NIPA1: variants seen among roughly 807,000 people sequenced by gnomAD.
NIPA1 encodes magnesium transporter NIPA1.
NIPA1 carries 13 observed loss-of-function variants against 23.9 expected under a neutral mutation model. The ratio of observed to expected loss-of-function variants is 0.54; its 90% CI spans 0.35 to 0.87. The LOEUF (loss-of-function observed/expected upper bound fraction) is 0.87, where lower values mean the gene tolerates loss of function less well. NIPA1 is among the 40% of genes least tolerant of loss of function. The pLI, the probability that NIPA1 is intolerant of heterozygous loss-of-function variation, is 0.01. For missense variants in NIPA1, 362 were observed against 429.7 expected, an observed-to-expected ratio of 0.84 and a Z score of 1.39; for synonymous variants, 234 against 202.9, an observed-to-expected ratio of 1.15 and a Z score of -1.30.
At chr15:22,802,843 T>G (rs1001187546) in intron 1 of NIPA1, among the ~76,000 whole-genome samples, 5 of 152,210 alleles carry the variant, frequency 3.3e-5, no homozygotes, top group Non-Finnish European at 5.9e-5. Flanking sequence ...GGACATAGTT[T>G]GAAGATTCAT....
intron 1 of NIPA1, among the ~76,000 whole-genome samples, chr15:22,787,884 A>G (rs951141075): frequency 6.6e-6 from 1 of 152,204 alleles, no homozygotes; most frequent in African/African-American, 2.4e-5. Context: ...GACAGTCTCG[A>G]ATGAAAATAT....
intron 4 of NIPA1, 78 bp from the exon 5 acceptor site, chr15:22,823,650 G>A: frequency 6.8e-7 from 1 of 1,476,954 alleles, no homozygotes. Flanking sequence ...TGGGGGCCCG[G>A]GTGCTGCCCC....
Position 22,812,248 on chromosome 15 carries a change from G to C in NIPA1, c.312G>C (p.Pro104=), listed in dbSNP as rs139372534. The change falls in exon 3 of 5, where the codon CCG becomes CCC. Residue 104 remains proline (P), a synonymous_variant. Transcript: ENST00000337435. ...CCCCCCTGGGCGCCCTTGGAGTACC[G>C]TTCGGGTGAGAGCCAAGATTGTGTT... ...LVTPLGALGV[P]FGSILASYLL... is the part of the protein sequence containing the mutation. 3.1e-6 allele frequency: 5 copies of C among 1,607,666 alleles called. No individual in the cohort carries two copies. Among genetic ancestry groups the C allele is most frequent in the Non-Finnish European group, 8.5e-7 (1 of 1,174,282 alleles).
chr15:22,794,764 C>T (rs992613783), intron 1 of NIPA1, among the ~76,000 whole-genome samples: 1 of 152,106 alleles, frequency 6.6e-6, no homozygotes, highest in South Asian at 2.1e-4. Flanking sequence ...GGCACGCTCC[C>T]GTCCCTAGGT....
chr15:22,806,777 C>T (rs767940849), intron 1 of NIPA1, among the ~76,000 whole-genome samples: 1 of 152,114 alleles, frequency 6.6e-6, no homozygotes, highest in Non-Finnish European at 1.5e-5. Flanking sequence ...GGAATGCAGA[C>T]TCCTAGGAGC....
chr15:22,787,271 G>C (rs1286499925), intron 1 of NIPA1, among the ~76,000 whole-genome samples: 2 of 152,142 alleles, frequency 1.3e-5, no homozygotes, highest in African/African-American at 4.8e-5. Context: ...CGCCCGCCTG[G>C]AAGCGCCGCT....
rs551866259 is a variant in NIPA1 at position 22,799,599 on chromosome 15, G to A, written c.179-11150G>A. On this transcript the variant is annotated intron_variant, in intron 1 of 4. Coordinates refer to ENST00000337435, the MANE Select transcript of NIPA1 (RefSeq NM_144599.5). ...AGATCGAGACCATCCTGGCTAACAC[G>A]GTGAAACCCCATCTCTACTAAAAAT... is the stretch of plus-strand genomic sequence containing the variant. Among the ~76,000 whole-genome samples, 29 of 152,068 alleles carry A rather than the reference G, an allele frequency of 1.9e-4. 1 individual carries two copies. The South Asian group carries it at 2.9e-3, about 15-fold the overall frequency.
intron 1 of NIPA1, among the ~76,000 whole-genome samples, chr15:22,787,185 C>T: frequency 6.6e-6 from 1 of 152,198 alleles, no homozygotes; most frequent in Non-Finnish European, 1.5e-5. Context: ...CCGCGCCGCC[C>T]GGCAGCCCTC....
rs1475151952 is a variant in NIPA1 at position 22,825,600 on chromosome 15, A to G, written c.*1361A>G. On this transcript the variant is annotated 3_prime_UTR_variant, in exon 5 of 5. Transcript: ENST00000337435. ...AATTAGGTAACTTGATAATAAGGCT[A>G]AGTGGGAGAGTACCTGTTCAATAGC... 6.6e-6 allele frequency: 1 copy of G among 152,212 alleles called. No homozygotes were observed. Among genetic ancestry groups the G allele is most frequent in the African/African-American group, 2.4e-5 (1 of 41,448 alleles). 9.4% of individuals were successfully genotyped at this position (152,212 alleles called of 1,614,324 possible).
chr15:22,786,739 T>C lies in NIPA1; in HGVS notation c.83T>C (p.Val28Ala), dbSNP rs764779615. Residue 28 changes from valine to alanine, a missense_variant, in exon 1 of 5, where the codon GTG becomes GCG. Coordinates refer to ENST00000337435, the MANE Select transcript of NIPA1 (RefSeq NM_144599.5). ...EGARSPSPAA[V>A]SLGLGVAVVS... is the part of the protein sequence containing the mutation. ...GCGCGTAGCCCGAGCCCCGCCGCCGTGTCGCTCGGCCTGGGCGTGGCCGTC... is the reference window on the plus strand; with the variant it reads ...GCGCGTAGCCCGAGCCCCGCCGCCGCGTCGCTCGGCCTGGGCGTGGCCGTC... 3.2e-6 allele frequency: 4 copies of C among 1,257,914 alleles called. No homozygotes were observed. Among genetic ancestry groups the C allele is most frequent in the South Asian group, 1.8e-5 (1 of 56,206 alleles). 77.9% of individuals were successfully genotyped at this position (1,257,914 alleles called of 1,614,324 possible).
intron 1 of NIPA1, among the ~76,000 whole-genome samples, chr15:22,806,009 C>A (rs968110602): frequency 1.3e-5 from 2 of 152,012 alleles, no homozygotes; most frequent in African/African-American, 4.8e-5. Flanking sequence ...CTGCAAGCTC[C>A]GCCTTCTGGG....
intron 4 of NIPA1, among the ~76,000 whole-genome samples, chr15:22,820,859 A>C: frequency 6.8e-6 from 1 of 147,888 alleles, no homozygotes; most frequent in Admixed American, 6.7e-5. Context: ...CTCTATCTCC[A>C]CCTCAGCACT....
Position 22,823,911 on chromosome 15 carries a change from C to T in NIPA1, c.662C>T (p.Pro221Leu), listed in dbSNP as rs781753198. The change falls in exon 5 of 5, where the codon CCG becomes CTG. Residue 221 changes from proline to leucine, a missense_variant. Pro to Leu is a moderately conservative substitution (Grantham distance 98, BLOSUM62 -3). This residue lies in a region of NIPA1 where 277 missense variants were observed against 372.0 expected (regional missense o/e 0.74). Transcript: ENST00000337435. Reference sequence around the variant, plus strand: ...GCCCAAGACATCTTGCATAACAACCCGTCCAGTCAGAGAGCCCTCTGCCTG... The same window carrying T: ...GCCCAAGACATCTTGCATAACAACCTGTCCAGTCAGAGAGCCCTCTGCCTG... ...LAAQDILHNNPSSQRALCLCL... is the reference protein window; with the variant it reads ...LAAQDILHNNLSSQRALCLCL... 57 of 1,614,066 alleles carry T rather than the reference C, an allele frequency of 3.5e-5. No homozygotes were observed. The South Asian group carries it at 4.3e-4, about 12-fold the overall frequency.
At chr15:22,804,622 A>G (rs910576774) in intron 1 of NIPA1, among the ~76,000 whole-genome samples, 4 of 152,160 alleles carry the variant, frequency 2.6e-5, no homozygotes, top group Non-Finnish European at 4.4e-5. Context: ...GTTGAGTTAC[A>G]GGATGGTCTG....
chr15:22,814,248 T>C, intron 3 of NIPA1: 1 of 397,186 alleles, frequency 2.5e-6, no homozygotes, highest in Non-Finnish European at 4.1e-6. Flanking sequence ...TGTATGTATA[T>C]ATGAGTTTTT....
At chr15:22,816,485 C>CGT (rs1566786330) in intron 3 of NIPA1, among the ~76,000 whole-genome samples, 1 of 52,678 alleles carries the variant, frequency 1.9e-5, no homozygotes, top group Non-Finnish European at 4.1e-5. Context: ...CCGCACCCAG[C>CGT]CTTTTTTTTT....
At chr15:22,814,238 T>C (rs1895371493) in intron 3 of NIPA1, 1 of 482,238 alleles carries the variant, frequency 2.1e-6, no homozygotes, top group Non-Finnish European at 3.3e-6. Flanking sequence ...TGTGCATATA[T>C]GTATGTATAT....
chr15:22,804,647 C>T (rs1357153723), intron 1 of NIPA1, among the ~76,000 whole-genome samples: 2 of 152,226 alleles, frequency 1.3e-5, no homozygotes, highest in East Asian at 3.9e-4. Flanking sequence ...ATGAATTAAA[C>T]TTCAACGTTT....
At chr15:22,805,053 G>C in intron 1 of NIPA1, among the ~76,000 whole-genome samples, 1 of 152,076 alleles carries the variant, frequency 6.6e-6, no homozygotes, top group East Asian at 1.9e-4. Flanking sequence ...TGTTAGCCAG[G>C]ATGGTCTCAA....
Sources: allele counts gnomAD v4.1 joint callset (sites outside exome capture counted in the v4.1 genomes callset), GRCh38; gene constraint gnomAD v4.1.1; regional missense constraint gnomAD v4.1.1; transcripts MANE v1.5; gene names NCBI Gene and HGNC (gene_info 2026-07-23, HGNC 2026-07-21).